EXOC4: variants seen among roughly 807,000 people sequenced by gnomAD.
EXOC4 encodes the protein SEC8-like 1.
A neutral mutation model predicts 107.2 loss-of-function variants in EXOC4; 71 were observed. The observed-to-expected ratio is 0.66, with a 90% CI of 0.55 to 0.81. EXOC4 has a LOEUF of 0.81. Ranked by LOEUF, EXOC4 falls within the 30% of genes least tolerant of loss-of-function variation. The probability of loss-of-function intolerance (pLI) is 0.00; values close to 1 mark genes in which losing one functional copy is unlikely to be tolerated. For synonymous variants in EXOC4, 456 were observed against 441.2 expected (o/e 1.03, Z -0.42); for missense variants, 1,108 against 1,189.6 (o/e 0.93, Z 1.01).
chr7:133,843,303 A>G (rs546678412), intron 11 of EXOC4, among the ~76,000 whole-genome samples: 2 of 152,140 alleles, frequency 1.3e-5, no homozygotes, highest in South Asian at 4.1e-4. Flanking sequence ...ATCCATGAGC[A>G]TGGAATGTTT....
At chr7:134,007,609 A>G (rs1025466357) in intron 16 of EXOC4, 67 bp from the exon 17 acceptor site, 5 of 1,453,146 alleles carry the variant, frequency 3.4e-6, no homozygotes, top group African/African-American at 2.8e-5. Context: ...TCTGTGTGCA[A>G]GTTTCTGCAG....
chr7:133,780,236 A>C (rs550945984), intron 10 of EXOC4, among the ~76,000 whole-genome samples: 2,756 of 148,296 alleles, frequency 0.019, 73 homozygotes, highest in African/African-American at 0.063. Flanking sequence ...TATGCTTCCC[A>C]AAAAAAAAAC....
chr7:133,712,009 T>C (rs2151097512), intron 10 of EXOC4, among the ~76,000 whole-genome samples: 1 of 152,252 alleles, frequency 6.6e-6, no homozygotes, highest in South Asian at 2.1e-4. Flanking sequence ...TCAGAAGTAC[T>C]TGATAGAAAA....
chr7:133,515,350 C>T (rs1337335699), intron 9 of EXOC4, among the ~76,000 whole-genome samples: 2 of 151,870 alleles, frequency 1.3e-5, no homozygotes, highest in South Asian at 2.1e-4. Flanking sequence ...CACACACACA[C>T]ACACGTATAC....
rs891381095 is a variant in EXOC4 at position 133,437,764 on chromosome 7, G to A, written c.1183-37564G>A. Among the ~76,000 whole-genome samples, 6 of 152,108 alleles carry A rather than the reference G, an allele frequency of 3.9e-5. No homozygotes were observed. In the East Asian group the frequency reaches 7.7e-4, roughly 19 times the overall value. On this transcript the variant is annotated intron_variant, in intron 7 of 17. Coordinates refer to ENST00000253861, the MANE Select transcript of EXOC4 (RefSeq NM_021807.4). ...ATTGGTATGAGTTCAGTATTGTCAA[G>A]TGTTCCCCATCTGCTTTTTGTCAGT... is the stretch of plus-strand genomic sequence containing the variant.
intron 7 of EXOC4, among the ~76,000 whole-genome samples, chr7:133,399,841 G>A (rs1797050460): frequency 6.6e-6 from 1 of 152,210 alleles, no homozygotes; most frequent in African/African-American, 2.4e-5. Context: ...AGATAGCTAT[G>A]TCTTGCATAT....
chr7:133,928,232 A>G (rs1800094784), intron 13 of EXOC4, among the ~76,000 whole-genome samples: 1 of 152,218 alleles, frequency 6.6e-6, no homozygotes, highest in African/African-American at 2.4e-5. Context: ...CCCTTGAGAA[A>G]GTCAGGCTGG....
In EXOC4 at chr7:133,633,065, C is replaced by T. The variant is rs114110537; in HGVS notation, c.1514+2924C>T. 5.5e-3 allele frequency among the ~76,000 whole-genome samples: 845 copies of T among 152,294 alleles called. 7 individuals are homozygous for T. Among genetic ancestry groups the T allele is most frequent in the African/African-American group, 0.019 (792 of 41,552 alleles). ...GCTTGTTACTAGACTCTGATTATGCCATGTCCTGGGGAAAGAAAAAAATAA... is the reference window on the plus strand; with the variant it reads ...GCTTGTTACTAGACTCTGATTATGCTATGTCCTGGGGAAAGAAAAAAATAA... On this transcript the variant is annotated intron_variant, in intron 10 of 17. Coordinates refer to ENST00000253861, the MANE Select transcript of EXOC4 (RefSeq NM_021807.4).
intron 10 of EXOC4, among the ~76,000 whole-genome samples, chr7:133,812,046 C>T (rs1797244891): frequency 6.6e-6 from 1 of 152,034 alleles, no homozygotes; most frequent in African/African-American, 2.4e-5. Context: ...TTTGCTCATT[C>T]CTACATCCAT....
chr7:133,634,009 G>T (rs1473834460), intron 10 of EXOC4, among the ~76,000 whole-genome samples: 1 of 152,118 alleles, frequency 6.6e-6, no homozygotes, highest in Non-Finnish European at 1.5e-5. Context: ...TCAGCTAGCA[G>T]TGCGTTCTTT....
At chr7:133,792,334 C>G (rs1796720070) in intron 10 of EXOC4, among the ~76,000 whole-genome samples, 1 of 152,062 alleles carries the variant, frequency 6.6e-6, no homozygotes, top group Non-Finnish European at 1.5e-5. Flanking sequence ...GAGAGGATCA[C>G]TTGAGTCCAG....
the EXOC4 span, among the ~76,000 whole-genome samples, chr7:134,080,717 G>A: frequency 0.17 from 26,496 of 151,768 alleles, 3,088 homozygotes; most frequent in African/African-American, 0.33. Flanking sequence ...CCGAGACAGG[G>A]TTGCTTGAGC....
chr7:133,843,182 GT>G (rs964776478), intron 11 of EXOC4, among the ~76,000 whole-genome samples: 81 of 151,566 alleles, frequency 5.3e-4, no homozygotes, highest in African/African-American at 1.8e-3. Flanking sequence ...TTTTTAAATA[GT>G]TTTTTTTTCT....
intron 5 of EXOC4, among the ~76,000 whole-genome samples, chr7:133,349,394 G>A (rs1041670572): frequency 6.6e-6 from 1 of 152,084 alleles, no homozygotes; most frequent in Non-Finnish European, 1.5e-5. Flanking sequence ...CGGCATATAA[G>A]TAGAAACATA....
intron 9 of EXOC4, among the ~76,000 whole-genome samples, chr7:133,539,838 C>A (rs1286195638): frequency 6.6e-6 from 1 of 152,006 alleles, no homozygotes; most frequent in African/African-American, 2.4e-5. Flanking sequence ...GTTTATGAAT[C>A]CCTAGACCTG....
rs140743420 is a variant in EXOC4 at position 133,601,183 on chromosome 7, G to A, written c.1418-28862G>A. 5.3e-3 allele frequency among the ~76,000 whole-genome samples: 803 copies of A among 152,054 alleles called. 7 individuals are homozygous for A. Among genetic ancestry groups the A allele is most frequent in the African/African-American group, 0.019 (769 of 41,476 alleles). Reference sequence around the variant, plus strand: ...GGGTTTTTTTCAAGGGTAAAAATCTGATTGCTTTTTTAATTCATTGAAATG... The same window carrying A: ...GGGTTTTTTTCAAGGGTAAAAATCTAATTGCTTTTTTAATTCATTGAAATG... On this transcript the variant is annotated intron_variant, in intron 9 of 17. Coordinates refer to ENST00000253861, the MANE Select transcript of EXOC4 (RefSeq NM_021807.4).
chr7:133,687,876 A>G (rs1794340178), intron 10 of EXOC4, among the ~76,000 whole-genome samples: 1 of 150,670 alleles, frequency 6.6e-6, no homozygotes, highest in Admixed American at 6.6e-5. Flanking sequence ...TGTGACTTGG[A>G]AAAAAAAACC....
intron 4 of EXOC4, among the ~76,000 whole-genome samples, chr7:133,307,544 A>T (rs1337923455): frequency 6.6e-6 from 1 of 152,240 alleles, no homozygotes; most frequent in African/African-American, 2.4e-5. Flanking sequence ...TTTTAAAAAA[A>T]TTTCTGTAAA....
intron 9 of EXOC4, 110 bp from the exon 10 acceptor site, chr7:133,629,935 G>T: frequency 1.4e-6 from 1 of 713,148 alleles, no homozygotes; most frequent in Non-Finnish European, 2.4e-6. Flanking sequence ...GTTACTGTTT[G>T]CAAAGATGGT....
Sources: gnomAD v4.1 joint callset for allele counts (sites outside exome capture counted in the v4.1 genomes callset) on GRCh38, gnomAD v4.1.1 for gene constraint, MANE v1.5 for transcripts, NCBI Gene and HGNC (gene_info 2026-07-23, HGNC 2026-07-21) for gene names.